The following PTPN14 variants were observed in gnomAD, a reference collection of about 807,000 sequenced individuals.
PTPN14 encodes tyrosine-protein phosphatase non-receptor type 14.
PTPN14 carries 53 observed loss-of-function variants against 126.8 expected under a neutral mutation model. The ratio of observed to expected loss-of-function variants is 0.42; its 90% confidence interval spans 0.34 to 0.53. The LOEUF (loss-of-function observed/expected upper bound fraction) is 0.53, where lower values mean the gene tolerates loss of function less well. Among genes scored for constraint, PTPN14 ranks in the 20% least tolerant of loss-of-function variants. The pLI is 0.08. For synonymous variants in PTPN14, 630 were observed against 599.3 expected (o/e 1.05, Z -0.75); for missense variants, 1,257 against 1,552.9 (o/e 0.81, Z 3.20).
At chr1:214,498,051 T>A (rs1196135280) in intron 1 of PTPN14, among the ~76,000 whole-genome samples, 1 of 152,224 alleles carries the variant, frequency 6.6e-6, no homozygotes, top group African/African-American at 2.4e-5. Flanking sequence ...TTTTCTATAA[T>A]GATCATTATT....
At chr1:214,518,981 G>GA (rs1357822603) in intron 1 of PTPN14, among the ~76,000 whole-genome samples, 2 of 152,048 alleles carry the variant, frequency 1.3e-5, no homozygotes, top group African/African-American at 4.8e-5. Context: ...AGAACAAAAC[G>GA]AAACAGGCCA....
intron 2 of PTPN14, among the ~76,000 whole-genome samples, chr1:214,461,011 G>T (rs923814896): frequency 6.6e-6 from 1 of 151,880 alleles, no homozygotes; most frequent in Non-Finnish European, 1.5e-5. Flanking sequence ...TACCACTCAG[G>T]GGGTGATGTT....
chr1:214,432,947 A>G (rs530649596), intron 3 of PTPN14, among the ~76,000 whole-genome samples: 15 of 152,262 alleles, frequency 9.9e-5, no homozygotes, highest in Non-Finnish European at 1.9e-4. Flanking sequence ...TCTGTCGCCC[A>G]GGCTGGAGTG....
chr1:214,542,072 T>A (rs537216758), intron 1 of PTPN14, among the ~76,000 whole-genome samples: 1 of 152,360 alleles, frequency 6.6e-6, no homozygotes, highest in Middle Eastern at 3.4e-3. Flanking sequence ...TTTGTGTTTA[T>A]CCTTCTGGTA....
At chr1:214,402,996 C>A in intron 5 of PTPN14, 43 bp from the exon 6 acceptor site, 1 of 1,591,044 alleles carries the variant, frequency 6.3e-7, no homozygotes, top group Non-Finnish European at 8.6e-7. Flanking sequence ...AGGGTGTGGG[C>A]ATTTGCTATT....
rs200192378 is a variant in PTPN14, at chr1:214,383,904, G to A, written c.1951C>T (p.Arg651Trp). ...HSLEVMNSMV[R>W]GMEAMTLKSL... ...TTGAGCGTCATGGCCTCCATGCCCC[G>A]CACCATGCTGTTCATCACCTCCAGG... The change falls in exon 13 of 19, where the codon CGG becomes TGG. Residue 651 changes from arginine (R) to tryptophan (W), a missense_variant. By Grantham distance (101) the Arg-to-Trp change is moderately radical. Around this residue, in one of 3 missense-constraint regions of PTPN14, gnomAD observed 1,021 missense variants for 1,183.3 expected, o/e 0.86. Coordinates refer to ENST00000366956, the MANE Select transcript of PTPN14 (RefSeq NM_005401.5). This position sits in a 1 kb window ranked among gnomAD's most constrained non-coding sequence, Gnocchi z 4.4. 6.2e-6 allele frequency: 10 copies of A among 1,613,154 alleles called. No homozygotes were observed. The highest frequency in any genetic ancestry group is 2.2e-5 in the East Asian group (1 of 44,882).
intron 8 of PTPN14, among the ~76,000 whole-genome samples, chr1:214,395,926 A>G (rs1320734096): frequency 6.6e-6 from 1 of 151,656 alleles, no homozygotes; most frequent in African/African-American, 2.4e-5. Context: ...CCCCCTACCC[A>G]CACGTGAGGA....
At chr1:214,544,958 G>T (rs1655934339) in intron 1 of PTPN14, among the ~76,000 whole-genome samples, 1 of 152,050 alleles carries the variant, frequency 6.6e-6, no homozygotes, top group South Asian at 2.1e-4. Flanking sequence ...AGCCTTAGTT[G>T]ACCACAAAGA....
chr1:214,541,530 G>A lies in PTPN14; in HGVS notation c.-155+9653C>T, dbSNP rs190103794. Among the ~76,000 whole-genome samples, 714 of 152,256 alleles carry A rather than the reference G, an allele frequency of 4.7e-3. 3 individuals are homozygous for A. Among genetic ancestry groups the A allele is most frequent in the African/African-American group, 0.016 (676 of 41,532 alleles). On this transcript the variant is annotated intron_variant, in intron 1 of 18. Coordinates refer to ENST00000366956, the MANE Select transcript of PTPN14 (RefSeq NM_005401.5). The stretch of plus-strand genomic sequence containing the variant: ...TCTTGTCCAAATTTAGTGAAATGTG[G>A]AAGTCAACCAGGCCAATGACGGAAT...
At position 214,464,821 on chromosome 1, in the gene PTPN14, A is replaced by C. The variant is rs758372068; in HGVS notation, c.-18T>G. The C allele has an allele frequency of 6.2e-7, 1 of 1,610,862 alleles. No individual in the cohort carries two copies. The highest frequency in any genetic ancestry group is 2.2e-5 in the East Asian group (1 of 44,808). On this transcript the variant is annotated 5_prime_UTR_variant, in exon 2 of 19. Transcript: ENST00000366956. ...AAAGGCATGGCTATGTGGTCCTCGG[A>C]CGCCGCCCGCCTATCCTGGCGCACA...
chr1:214,433,951 C>A (rs113526514), intron 3 of PTPN14, among the ~76,000 whole-genome samples: 88 of 98,466 alleles, frequency 8.9e-4, no homozygotes, highest in East Asian at 7.2e-3. Context: ...CACACACACA[C>A]AAAAAAAAAA....
chr1:214,484,558 T>A (rs1661071068), intron 1 of PTPN14, among the ~76,000 whole-genome samples: 2 of 152,156 alleles, frequency 1.3e-5, no homozygotes, highest in Admixed American at 1.3e-4. Flanking sequence ...TGCAAAGAGT[T>A]CCATGTTTGA....
intron 11 of PTPN14, among the ~76,000 whole-genome samples, chr1:214,390,428 C>T (rs567159495): frequency 6.6e-6 from 1 of 152,298 alleles, no homozygotes; most frequent in African/African-American, 2.4e-5. Flanking sequence ...TCAAACTCTG[C>T]TGGCTAATTA....
At chr1:214,490,952 G>A (rs1390368523) in intron 1 of PTPN14, among the ~76,000 whole-genome samples, 1 of 60,302 alleles carries the variant, frequency 1.7e-5, no homozygotes, top group Non-Finnish European at 4.6e-5. Flanking sequence ...AGAAAAGAAA[G>A]AAAGGAAGGA....
At chr1:214,471,553 T>C (rs1029043564) in intron 1 of PTPN14, among the ~76,000 whole-genome samples, 3 of 150,576 alleles carry the variant, frequency 2.0e-5, no homozygotes, top group Admixed American at 6.6e-5. Context: ...GCTCAAAGCA[T>C]GGCCAAGCAG....
At chr1:214,482,908 CA>C in intron 1 of PTPN14, 1 of 1,594,230 alleles carries the variant, frequency 6.3e-7, no homozygotes, top group South Asian at 1.1e-5. Context: ...GCTGATACAG[CA>C]CAGGCTGGAG....
intron 5 of PTPN14, among the ~76,000 whole-genome samples, chr1:214,403,733 T>A (rs990322317): frequency 6.6e-6 from 1 of 152,082 alleles, no homozygotes; most frequent in African/African-American, 2.4e-5. Flanking sequence ...AGAGGAATAA[T>A]CCAAAATAAG....
chr1:214,419,820 G>A (rs921779420), intron 3 of PTPN14, among the ~76,000 whole-genome samples: 3 of 152,088 alleles, frequency 2.0e-5, no homozygotes, highest in Non-Finnish European at 4.4e-5. Context: ...CCATTCCAGC[G>A]GGTGTTCACA....
At chr1:214,396,934 T>C (rs1558084579) in intron 8 of PTPN14, among the ~76,000 whole-genome samples, 6 of 152,198 alleles carry the variant, frequency 3.9e-5, no homozygotes, top group Admixed American at 3.3e-4. Flanking sequence ...TTGTGGCAGA[T>C]ATATGGAGCT....
Sources: allele counts gnomAD v4.1 joint callset (sites outside exome capture counted in the v4.1 genomes callset), GRCh38; gene constraint gnomAD v4.1.1; regional missense constraint gnomAD v4.1.1; non-coding constraint Gnocchi (gnomAD v3.1); transcripts MANE v1.5; gene names NCBI Gene and HGNC (gene_info 2026-07-23, HGNC 2026-07-21).